The following RIMS2 variants were observed in gnomAD, a reference collection of about 807,000 sequenced individuals.
RIMS2 encodes the protein regulating synaptic membrane exocytosis 2.
A neutral mutation model predicts 174.4 loss-of-function variants in RIMS2; 59 were observed. The ratio of observed to expected loss-of-function variants is 0.34; its 90% confidence interval spans 0.27 to 0.42. The LOEUF (loss-of-function observed/expected upper bound fraction) is 0.42, where lower values mean the gene tolerates loss of function less well. Among genes scored for constraint, RIMS2 ranks in the 10% least tolerant of loss-of-function variants. The pLI, the probability that RIMS2 is intolerant of heterozygous loss-of-function variation, is 1.00. For synonymous variants in RIMS2, 606 were observed against 572.5 expected (o/e 1.06, Z -0.84); for missense variants, 1,620 against 1,666.3 (o/e 0.97, Z 0.48).
intron 13 of RIMS2, among the ~76,000 whole-genome samples, chr8:103,941,593 G>A (rs1205306251): frequency 6.6e-6 from 1 of 151,948 alleles, no homozygotes; most frequent in Non-Finnish European, 1.5e-5. Context: ...TAAACACAAA[G>A]CACAAACACT....
intron 1 of RIMS2, among the ~76,000 whole-genome samples, chr8:103,626,129 CAT>C (rs1160917523): frequency 6.6e-6 from 1 of 151,934 alleles, no homozygotes; most frequent in East Asian, 1.9e-4. Context: ...TTATCTGAAA[CAT>C]AGGGATACAG....
At chr8:103,560,655 ATGTC>A (rs2091440922) in intron 1 of RIMS2, among the ~76,000 whole-genome samples, 1 of 152,216 alleles carries the variant, frequency 6.6e-6, no homozygotes, top group Admixed American at 6.5e-5. Context: ...CTGTGTGTCA[ATGTC>A]TGGGGATTCA....
Position 103,921,779 on chromosome 8 carries a change from CT to C in RIMS2, c.2194del (p.Ser732GlnfsTer18). On this transcript the variant is annotated frameshift_variant, in exon 10 of 24. Coordinates refer to ENST00000504942, the Ensembl canonical transcript of RIMS2. LOFTEE classifies it high-confidence loss of function. ...TGTCCCACAGTTCTTATCAGGACAA[CT>C]TTCAGTATGTAGTCATTACGTTTAC... The C allele has an allele frequency of 8.2e-7, 1 of 1,220,946 alleles. No homozygotes were observed. Among genetic ancestry groups the C allele is most frequent in the Non-Finnish European group, 1.2e-6 (1 of 823,468 alleles). The allele number at this position is 1,220,946 out of a possible 1,614,324, so 75.6% of individuals were successfully genotyped here.
chr8:103,606,586 A>T (rs2095099638), intron 1 of RIMS2, among the ~76,000 whole-genome samples: 1 of 152,062 alleles, frequency 6.6e-6, no homozygotes, highest in Non-Finnish European at 1.5e-5. Context: ...GATCTGTCTA[A>T]TATTGACAGT....
chr8:103,920,358 A>G (rs759466581), intron 9 of RIMS2, among the ~76,000 whole-genome samples: 19 of 152,150 alleles, frequency 1.2e-4, no homozygotes, highest in Non-Finnish European at 2.4e-4. Flanking sequence ...TCTTCCTGCT[A>G]CCTAAAGCTT....
chr8:104,112,037 T>G (rs563275108), intron 19 of RIMS2, among the ~76,000 whole-genome samples: 1 of 152,354 alleles, frequency 6.6e-6, no homozygotes, highest in South Asian at 2.1e-4. Flanking sequence ...TATTCCCATA[T>G]CTAATATTTC....
intron 1 of RIMS2, among the ~76,000 whole-genome samples, chr8:103,684,198 G>C (rs1296891361): frequency 6.6e-6 from 1 of 151,964 alleles, no homozygotes; most frequent in African/African-American, 2.4e-5. Flanking sequence ...TTCCCCAAGA[G>C]GTTTCTTGTG....
At chr8:103,791,232 A>T (rs1278230094) in intron 3 of RIMS2, among the ~76,000 whole-genome samples, 1 of 152,240 alleles carries the variant, frequency 6.6e-6, no homozygotes, top group Non-Finnish European at 1.5e-5. Context: ...CTTTGCAGAA[A>T]CTTTAGAAGC....
chr8:103,739,969 T>C (rs1051556170), intron 2 of RIMS2, among the ~76,000 whole-genome samples: 3 of 152,162 alleles, frequency 2.0e-5, no homozygotes, highest in Non-Finnish European at 4.4e-5. Flanking sequence ...TTTATTATAT[T>C]GGATGGTGGA....
intron 3 of RIMS2, among the ~76,000 whole-genome samples, chr8:103,827,329 T>G (rs1554857469): frequency 6.6e-6 from 1 of 152,238 alleles, no homozygotes; most frequent in Non-Finnish European, 1.5e-5. Flanking sequence ...TCTTTTAACC[T>G]TTTCAAATTC....
At chr8:103,601,136 A>G (rs2094716597) in intron 1 of RIMS2, among the ~76,000 whole-genome samples, 1 of 152,136 alleles carries the variant, frequency 6.6e-6, no homozygotes, top group Admixed American at 6.6e-5. Flanking sequence ...TAGTTTGCAA[A>G]ATATTTTCTC....
intron 2 of RIMS2, among the ~76,000 whole-genome samples, chr8:103,709,311 T>A (rs888791659): frequency 6.6e-5 from 10 of 151,844 alleles, no homozygotes; most frequent in African/African-American, 2.4e-4. Context: ...GGGTTAGTTT[T>A]GATTGATTAC....
rs1158495952 is a variant in RIMS2 at position 103,528,636 on chromosome 8, T to G, written c.176+27574T>G. Among the ~76,000 whole-genome samples the G allele has an allele frequency of 2.0e-5, 3 of 152,240 alleles. No individual in the cohort carries two copies. The East Asian group carries it at 5.8e-4, about 29-fold the overall frequency. ...GCTAGCCAGTTTTCCCAGCACCATT[T>G]ATTAAATAGGGAATCCTTGCCCCAT... On this transcript the variant is annotated intron_variant, in intron 1 of 23. Coordinates refer to ENST00000504942, the Ensembl canonical transcript of RIMS2.
chr8:103,905,000 G>A (rs905230318), intron 4 of RIMS2, among the ~76,000 whole-genome samples: 2 of 151,876 alleles, frequency 1.3e-5, no homozygotes, highest in African/African-American at 4.8e-5. Context: ...AACTAGACTG[G>A]AATGTAGAAA....
intron 1 of RIMS2, among the ~76,000 whole-genome samples, chr8:103,571,540 T>C (rs926864862): frequency 3.2e-4 from 49 of 152,204 alleles, no homozygotes; most frequent in Non-Finnish European, 1.5e-4. Flanking sequence ...AGATTTCTTA[T>C]ATATGGCATA....
chr8:103,856,812 T>G (rs2154495285), intron 3 of RIMS2, among the ~76,000 whole-genome samples: 1 of 149,506 alleles, frequency 6.7e-6, no homozygotes, highest in African/African-American at 2.5e-5. Context: ...TTTTTTTTTG[T>G]TTTTTTTTCT....
At chr8:104,055,058 G>A (rs2096846415) in intron 19 of RIMS2, among the ~76,000 whole-genome samples, 1 of 151,850 alleles carries the variant, frequency 6.6e-6, no homozygotes, top group Admixed American at 6.6e-5. Context: ...AGGTTTGGGG[G>A]GCATGATCAC....
At chr8:103,501,019 G>C (rs773041025) in exon 1 of RIMS2, 16 of 1,610,890 alleles carry the variant, frequency 9.9e-6, no homozygotes, top group Non-Finnish European at 1.3e-5. Flanking sequence ...GGCCGTCATG[G>C]ATAGGCAGAA....
At position 103,870,865 on chromosome 8, in the gene RIMS2, A is replaced by G. The variant is rs78563678; in HGVS notation, c.699-14433A>G. On this transcript the variant is annotated intron_variant, in intron 3 of 23. Coordinates refer to ENST00000504942, the Ensembl canonical transcript of RIMS2. ...GGTCCCTAGGTTTAACCATAGGATT[A>G]CAACCAGAATATCTGCTAATACAAA... Among the ~76,000 whole-genome samples the G allele has an allele frequency of 3.7e-3, 566 of 152,300 alleles. 8 individuals are homozygous for G. The highest frequency in any genetic ancestry group is 0.013 in the African/African-American group (537 of 41,554).
Sources: gnomAD v4.1 joint callset for allele counts (sites outside exome capture counted in the v4.1 genomes callset) on GRCh38, gnomAD v4.1.1 for gene constraint, MANE v1.5 for transcripts, NCBI Gene and HGNC (gene_info 2026-07-23, HGNC 2026-07-21) for gene names.